ANO1: variants seen among roughly 807,000 people sequenced by gnomAD.
ANO1 encodes the protein anoctamin-1.
In ANO1, 59 loss-of-function variants were observed where a neutral mutation model predicts 124.0. That is an observed-to-expected ratio of 0.48 (90% CI 0.39 to 0.59). The LOEUF (loss-of-function observed/expected upper bound fraction) is 0.59, where lower values mean the gene tolerates loss of function less well. ANO1 is among the 20% of genes least tolerant of loss of function. The pLI is 0.00. For synonymous variants in ANO1, 529 were observed against 532.0 expected (o/e 0.99, Z 0.08); for missense variants, 1,059 against 1,328.0 (o/e 0.80, Z 3.15).
At chr11:69,995,589 G>A (rs575697109) in intron 1 of ANO1, among the ~76,000 whole-genome samples, 3 of 152,254 alleles carry the variant, frequency 2.0e-5, no homozygotes, top group Admixed American at 2.0e-4. Flanking sequence ...CTTTTGAGAA[G>A]TGCTGGTCAG....
chr11:70,081,588 T>C (rs1233352665), intron 1 of ANO1, among the ~76,000 whole-genome samples: 1 of 152,222 alleles, frequency 6.6e-6, no homozygotes, highest in Non-Finnish European at 1.5e-5. Flanking sequence ...TCAGAGAAAG[T>C]GAACATTGTA....
At chr11:70,154,460 C>CTTTTTTTTTTTT in intron 14 of ANO1, among the ~76,000 whole-genome samples, 1 of 84,262 alleles carries the variant, frequency 1.2e-5, no homozygotes, top group Non-Finnish European at 2.2e-5. Context: ...GGAAGTATGT[C>CTTTTTTTTTTTT]TTTTTTTTTT....
At chr11:70,147,361 C>T (rs548426662) in intron 11 of ANO1, among the ~76,000 whole-genome samples, 2 of 152,286 alleles carry the variant, frequency 1.3e-5, no homozygotes, top group African/African-American at 4.8e-5. Context: ...GGGTGCCCAC[C>T]GCAGACAGGC....
intron 1 of ANO1, among the ~76,000 whole-genome samples, chr11:70,017,930 C>T (rs1466409391): frequency 1.3e-5 from 2 of 152,294 alleles, no homozygotes; most frequent in Non-Finnish European, 2.9e-5. Flanking sequence ...AGCCCCCTTT[C>T]CCTGATGGTC....
intron 8 of ANO1, among the ~76,000 whole-genome samples, chr11:70,117,267 C>T (rs768194288): frequency 6.6e-5 from 10 of 152,028 alleles, no homozygotes; most frequent in Non-Finnish European, 1.3e-4. Flanking sequence ...GACGGGCTTT[C>T]GCCATGTTGG....
chr11:69,981,112 T>C (rs1377159364), upstream of ANO1, among the ~76,000 whole-genome samples: 1 of 151,928 alleles, frequency 6.6e-6, no homozygotes, highest in African/African-American at 2.4e-5. Flanking sequence ...TAAAGAAAAA[T>C]ATGAAGGCAG....
chr11:70,102,799 C>T (rs375948052), intron 2 of ANO1, among the ~76,000 whole-genome samples: 2 of 152,290 alleles, frequency 1.3e-5, no homozygotes, highest in Admixed American at 6.5e-5. Context: ...CTATACCCAC[C>T]GGGGATCCTC....
intron 11 of ANO1, among the ~76,000 whole-genome samples, chr11:70,147,908 C>T (rs1002527122): frequency 3.3e-5 from 5 of 152,202 alleles, no homozygotes; most frequent in Non-Finnish European, 7.3e-5. Context: ...TTTTCCATTG[C>T]CTGTGCGAGC....
At chr11:70,175,707 C>CT (rs772456481) in intron 22 of ANO1, among the ~76,000 whole-genome samples, 1 of 152,230 alleles carries the variant, frequency 6.6e-6, no homozygotes, top group East Asian at 1.9e-4. Flanking sequence ...AAGTACCTGG[C>CT]TTTATCCAAA....
At chr11:70,166,150 T>C (rs1454853401) in intron 20 of ANO1, among the ~76,000 whole-genome samples, 2 of 151,536 alleles carry the variant, frequency 1.3e-5, no homozygotes, top group Admixed American at 1.3e-4. Flanking sequence ...AAACCCCACC[T>C]CTACTAAAAA....
At chr11:69,985,153 G>T (rs1554996724), upstream of ANO1, among the ~76,000 whole-genome samples, 1 of 152,244 alleles carries the variant, frequency 6.6e-6, no homozygotes, top group Non-Finnish European at 1.5e-5. Flanking sequence ...GGAAGAGGAA[G>T]GGTCGGGGAC....
At chr11:70,172,119 T>TAAAA (rs367908728) in intron 22 of ANO1, among the ~76,000 whole-genome samples, 2,750 of 120,310 alleles carry the variant, frequency 0.023, 46 homozygotes, top group African/African-American at 0.034. Flanking sequence ...GAACCTGTCT[T>TAAAA]AAAAAAAAAA....
intron 12 of ANO1, among the ~76,000 whole-genome samples, chr11:70,150,826 T>A (rs1295469932): frequency 6.6e-6 from 1 of 152,248 alleles, no homozygotes; most frequent in Non-Finnish European, 1.5e-5. Context: ...TTTCTAAAGA[T>A]ATTTTTCTTT....
chr11:69,969,979 A>G, the ANO1 span, among the ~76,000 whole-genome samples: 1 of 152,062 alleles, frequency 6.6e-6, no homozygotes, highest in Non-Finnish European at 1.5e-5. Flanking sequence ...CGAAAGAGAG[A>G]CCTGGATGCA....
At chr11:70,058,954 C>T (rs1412032976) in intron 1 of ANO1, among the ~76,000 whole-genome samples, 10 of 151,702 alleles carry the variant, frequency 6.6e-5, no homozygotes, top group African/African-American at 1.9e-4. Flanking sequence ...GAGGCTGAGG[C>T]GGGCAGATCA....
At chr11:69,982,420 A>C (rs1554996333), upstream of ANO1, among the ~76,000 whole-genome samples, 1 of 152,222 alleles carries the variant, frequency 6.6e-6, no homozygotes, top group East Asian at 1.9e-4. Context: ...GCCCCAGGGC[A>C]GGGGCCACCA....
At chr11:70,131,303 ATGTGTGTGTGTG>A (rs58686061) in intron 10 of ANO1, among the ~76,000 whole-genome samples, 62,010 of 149,000 alleles carry the variant, frequency 0.42, 13,565 homozygotes, top group East Asian at 0.57. Context: ...TCAAAAATCA[ATGTGTGTGTGTG>A]TGTGTGTGTG....
At chr11:69,970,493 G>A in the ANO1 span, among the ~76,000 whole-genome samples, 2 of 152,208 alleles carry the variant, frequency 1.3e-5, no homozygotes, top group Admixed American at 6.5e-5. Context: ...GCACGCGGGA[G>A]GCAGGGGCTG....
chr11:70,143,590 A>G (rs553465666), intron 11 of ANO1, among the ~76,000 whole-genome samples: 1 of 152,112 alleles, frequency 6.6e-6, no homozygotes, highest in Admixed American at 6.5e-5. Flanking sequence ...ACCCTGGGTG[A>G]CTCTGTAGGT....
Sources: gnomAD v4.1 joint callset for allele counts (sites outside exome capture counted in the v4.1 genomes callset) on GRCh38, gnomAD v4.1.1 for gene constraint, MANE v1.5 for transcripts, NCBI Gene and HGNC (gene_info 2026-07-23, HGNC 2026-07-21) for gene names.